The following BRINP3 variants were observed in gnomAD, a reference collection of about 807,000 sequenced individuals.
BRINP3 encodes the protein BMP/retinoic acid-inducible neural-specific protein 3.
A neutral mutation model predicts 71.0 loss-of-function variants in BRINP3; 19 were observed. The observed-to-expected ratio is 0.27, with a 90% CI of 0.19 to 0.39. The LOEUF is 0.39. Ranked by LOEUF, BRINP3 falls within the 10% of genes least tolerant of loss-of-function variation. The probability of loss-of-function intolerance (pLI) is 1.00; values close to 1 mark genes in which losing one functional copy is unlikely to be tolerated. For synonymous variants in BRINP3, 380 were observed against 337.7 expected (o/e 1.13, Z -1.37); for missense variants, 959 against 940.8 (o/e 1.02, Z -0.25).
intron 7 of BRINP3, among the ~76,000 whole-genome samples, chr1:190,155,484 T>C (rs1249580268): frequency 6.6e-6 from 1 of 152,136 alleles, no homozygotes; most frequent in Non-Finnish European, 1.5e-5. Flanking sequence ...GCTAAACTTT[T>C]ACCAACACTT....
chr1:190,416,003 T>C (rs1266156113), intron 2 of BRINP3, among the ~76,000 whole-genome samples: 1 of 152,216 alleles, frequency 6.6e-6, no homozygotes, highest in Non-Finnish European at 1.5e-5. Flanking sequence ...TTTCTTCTAC[T>C]GTGTCTCAGC....
intron 7 of BRINP3, among the ~76,000 whole-genome samples, chr1:190,115,724 A>G (rs138806105): frequency 0.013 from 1,922 of 152,258 alleles, 20 homozygotes; most frequent in Non-Finnish European, 0.021. Context: ...CTTAGGACAG[A>G]TAAGAGAAGA....
At chr1:190,153,019 G>A (rs569727113) in intron 7 of BRINP3, among the ~76,000 whole-genome samples, 2 of 152,268 alleles carry the variant, frequency 1.3e-5, no homozygotes, top group African/African-American at 4.8e-5. Flanking sequence ...GGCCATTTTA[G>A]AGCCATGGTG....
chr1:190,197,508 C>A (rs1329015837), intron 6 of BRINP3, among the ~76,000 whole-genome samples: 1 of 152,154 alleles, frequency 6.6e-6, no homozygotes, highest in Admixed American at 6.5e-5. Context: ...GGGGTACAGG[C>A]ATTGGGTAAA....
intron 6 of BRINP3, among the ~76,000 whole-genome samples, chr1:190,169,388 C>A (rs759618096): frequency 6.6e-6 from 1 of 152,154 alleles, no homozygotes. Flanking sequence ...AATGCTTTTG[C>A]TCCTTGATGC....
intron 5 of BRINP3, among the ~76,000 whole-genome samples, chr1:190,232,284 T>A (rs1658066568): frequency 1.3e-5 from 2 of 151,992 alleles, no homozygotes; most frequent in African/African-American, 4.8e-5. Flanking sequence ...ATCTATACCC[T>A]TCAAAGGAAT....
intron 4 of BRINP3, among the ~76,000 whole-genome samples, chr1:190,263,916 G>A (rs1376234397): frequency 6.6e-6 from 1 of 152,020 alleles, no homozygotes; most frequent in Admixed American, 6.6e-5. Flanking sequence ...ACACAACAAT[G>A]AACACACATT....
Position 190,099,002 on chromosome 1 carries a change from C to T in BRINP3, c.1317G>A (p.Leu439=), listed in dbSNP as rs745535899. ...CAGAGGCGTCTCCCACTGTGCAGGG[C>T]AGGAACGCGGTGCAGACCACCTGGT... ...PNDQVVCTAF[L]PCTVGDASAC... Residue 439 remains leucine, a synonymous_variant, in exon 8 of 8, where the codon CTG becomes CTA. Transcript: ENST00000367462. 1 of 1,614,180 alleles carries T rather than the reference C, an allele frequency of 6.2e-7. No homozygotes were observed. Among genetic ancestry groups the T allele is most frequent in the South Asian group, 1.1e-5 (1 of 91,088 alleles).
chr1:190,459,135 CAAA>C (rs113637584), intron 1 of BRINP3, among the ~76,000 whole-genome samples: 4 of 96,266 alleles, frequency 4.2e-5, no homozygotes, highest in Non-Finnish European at 4.7e-5. Flanking sequence ...TTCTTTCTCA[CAAA>C]AAAAAAAAAA....
intron 2 of BRINP3, among the ~76,000 whole-genome samples, chr1:190,453,934 C>T (rs1416846512): frequency 1.3e-5 from 2 of 152,178 alleles, no homozygotes; most frequent in East Asian, 3.9e-4. Flanking sequence ...AAATGTTCTT[C>T]ATGGCATAGA....
intron 2 of BRINP3, among the ~76,000 whole-genome samples, chr1:190,288,531 G>A (rs1295832025): frequency 2.0e-5 from 3 of 151,860 alleles, no homozygotes; most frequent in African/African-American, 7.2e-5. Flanking sequence ...AAAGCTTTCA[G>A]AATTTTTGCA....
At chr1:190,217,512 T>C (rs1305682481) in intron 6 of BRINP3, among the ~76,000 whole-genome samples, 2 of 151,996 alleles carry the variant, frequency 1.3e-5, no homozygotes, top group Admixed American at 6.6e-5. Context: ...ATATAATTTA[T>C]GAATAAAATG....
rs765973603 is a variant in BRINP3 at position 190,104,244 on chromosome 1, A to G, written c.1185-5110T>C. Among the ~76,000 whole-genome samples, 115 of 152,040 alleles carry G rather than the reference A, an allele frequency of 7.6e-4. 1 individual carries two copies. The highest frequency in any genetic ancestry group is 9.1e-4 in the Non-Finnish European group (62 of 67,926). The stretch of plus-strand genomic sequence containing the variant: ...CATTTAGGTTCTTGAGTGACAATAC[A>G]CTATATTAGCTTGAGACCATTTTCT... On this transcript the variant is annotated intron_variant, in intron 7 of 7. Coordinates refer to ENST00000367462, the MANE Select transcript of BRINP3 (RefSeq NM_199051.3).
chr1:190,436,960 A>G (rs1002834795), intron 2 of BRINP3, among the ~76,000 whole-genome samples: 1 of 151,900 alleles, frequency 6.6e-6, no homozygotes, highest in Non-Finnish European at 1.5e-5. Flanking sequence ...TATCAGATAC[A>G]TAAGCGATTA....
intron 2 of BRINP3, among the ~76,000 whole-genome samples, chr1:190,297,212 TAGAG>T (rs1664316243): frequency 6.6e-6 from 1 of 152,060 alleles, no homozygotes; most frequent in Admixed American, 6.6e-5. Context: ...AGACACATAA[TAGAG>T]AGGCCAGAAT....
chr1:190,249,730 G>A (rs1287048338), intron 4 of BRINP3, among the ~76,000 whole-genome samples: 4 of 151,748 alleles, frequency 2.6e-5, no homozygotes, highest in South Asian at 2.1e-4. Context: ...TTTGAGTTAC[G>A]TGAAGGTGAG....
At chr1:190,203,295 T>C (rs1349645706) in intron 6 of BRINP3, among the ~76,000 whole-genome samples, 2 of 151,858 alleles carry the variant, frequency 1.3e-5, no homozygotes, top group Non-Finnish European at 2.9e-5. Flanking sequence ...CACAAATGGA[T>C]TGGGTTTTTA....
At chr1:190,448,186 A>G (rs1202261197) in intron 2 of BRINP3, among the ~76,000 whole-genome samples, 1 of 151,704 alleles carries the variant, frequency 6.6e-6, no homozygotes, top group African/African-American at 2.4e-5. Flanking sequence ...TTCTGAGCAA[A>G]CAGTTTAATT....
At chr1:190,184,915 GA>G (rs915464615) in intron 6 of BRINP3, among the ~76,000 whole-genome samples, 6 of 151,432 alleles carry the variant, frequency 4.0e-5, no homozygotes, top group Admixed American at 1.3e-4. Flanking sequence ...TTTTTAAAAA[GA>G]AAAAAAATGA....
Sources: gnomAD v4.1 joint callset for allele counts (sites outside exome capture counted in the v4.1 genomes callset) on GRCh38, gnomAD v4.1.1 for gene constraint, MANE v1.5 for transcripts, NCBI Gene and HGNC (gene_info 2026-07-23, HGNC 2026-07-21) for gene names.